Variants in TNS1 observed in about 807,000 individuals in gnomAD.
The protein encoded by TNS1 is tensin 1, also known as tensin-1.
Under a neutral mutation model 168.6 loss-of-function variants are expected in TNS1, and 62 were observed. That is an observed-to-expected ratio of 0.37 (90% CI 0.30 to 0.45). The LOEUF is 0.45. TNS1 is among the 20% of genes least tolerant of loss of function. The pLI is 1.00. For missense variants in TNS1, 2,240 were observed against 2,339.4 expected (o/e 0.96, Z 0.88); for synonymous variants, 934 against 933.2 (o/e 1.00, Z -0.02).
At chr2:218,028,786 A>G (rs1305816352) in intron 1 of TNS1, among the ~76,000 whole-genome samples, 1 of 152,176 alleles carries the variant, frequency 6.6e-6, no homozygotes, top group African/African-American at 2.4e-5. Context: ...GGTGGAGGTG[A>G]ATTTAAAAAT....
chr2:217,891,370 C>A (rs534700096), intron 11 of TNS1, among the ~76,000 whole-genome samples: 10 of 152,318 alleles, frequency 6.6e-5, no homozygotes, highest in African/African-American at 2.4e-4. Context: ...ATTCTCCTCA[C>A]CCATCAAATG....
At chr2:217,877,533 C>G (rs902428458) in intron 18 of TNS1, among the ~76,000 whole-genome samples, 1 of 152,230 alleles carries the variant, frequency 6.6e-6, no homozygotes, top group Non-Finnish European at 1.5e-5. Flanking sequence ...TTGGCAGGCC[C>G]CCTCCCTCTC....
intron 18 of TNS1, among the ~76,000 whole-genome samples, chr2:217,872,291 A>G (rs1949837050): frequency 6.6e-6 from 1 of 152,356 alleles, no homozygotes; most frequent in South Asian, 2.1e-4. Flanking sequence ...GGGAGAATAT[A>G]TCGGCAAATT....
At chr2:217,900,370 G>T in intron 7 of TNS1, 93 bp downstream of exon 7, 1 of 1,427,250 alleles carries the variant, frequency 7.0e-7, no homozygotes, top group Non-Finnish European at 9.5e-7. Flanking sequence ...TATGGCTGCA[G>T]TCCGGGGGAC....
intron 1 of TNS1, among the ~76,000 whole-genome samples, chr2:218,008,709 AC>A (rs1470272186): frequency 6.6e-6 from 1 of 152,226 alleles, no homozygotes; most frequent in Admixed American, 6.5e-5. Flanking sequence ...CAGAGGTAGC[AC>A]CTGGGAGAAG....
intron 3 of TNS1, among the ~76,000 whole-genome samples, chr2:217,954,442 C>T (rs1289974335): frequency 6.6e-6 from 1 of 152,188 alleles, no homozygotes; most frequent in Non-Finnish European, 1.5e-5. Context: ...ATCTATGGAG[C>T]TCTGAGGGTG....
chr2:217,890,321 T>C (rs918429957), intron 12 of TNS1: 1 of 152,490 alleles, frequency 6.6e-6, no homozygotes, highest in Non-Finnish European at 1.5e-5. Context: ...GTATGGTTAT[T>C]TGTTTCATGT....
intron 6 of TNS1, among the ~76,000 whole-genome samples, chr2:217,903,124 T>C (rs1953213838): frequency 6.6e-6 from 1 of 152,140 alleles, no homozygotes; most frequent in South Asian, 2.1e-4. Context: ...AGGCATCCGG[T>C]CATCCCTGGG....
intron 3 of TNS1, among the ~76,000 whole-genome samples, chr2:217,927,270 GC>G (rs35261441): frequency 6.6e-6 from 1 of 152,202 alleles, no homozygotes; most frequent in African/African-American, 2.4e-5. Flanking sequence ...ACCACAAGAA[GC>G]CCCCCTTTGG....
chr2:218,033,930 C>A lies in TNS1; in HGVS notation c.46G>T (p.Gly16Ter), dbSNP rs1330060425. Reference sequence around the variant, plus strand: ...GGGGGCTGGGGACCGCAGAGTGGTCCGGGCCGCAGCTCTTCGCAGCACACC... The same window carrying A: ...GGGGGCTGGGGACCGCAGAGTGGTCAGGGCCGCAGCTCTTCGCAGCACACC... Residue 16 changes from glycine (G) to a stop codon, truncating the protein, a stop_gained, in exon 1 of 2, where the codon GGA becomes TGA. Transcript: ENST00000649572. LOFTEE classifies it high-confidence loss of function. This position sits in a 1 kb window ranked among gnomAD's most constrained non-coding sequence, Gnocchi z 4.3. Among the ~76,000 whole-genome samples, 1 of 152,324 alleles carries A rather than the reference C, an allele frequency of 6.6e-6. No individual in the cohort carries two copies. Among genetic ancestry groups the A allele is most frequent in the Non-Finnish European group, 1.5e-5 (1 of 68,026 alleles).
chr2:217,853,356 C>G (rs1484893861), intron 18 of TNS1, among the ~76,000 whole-genome samples: 1 of 152,120 alleles, frequency 6.6e-6, no homozygotes, highest in Non-Finnish European at 1.5e-5. Flanking sequence ...AGGGAGTGAT[C>G]AGTTCAGGGG....
intron 19 of TNS1, among the ~76,000 whole-genome samples, chr2:217,838,107 G>C (rs549841718): frequency 2.0e-5 from 3 of 152,240 alleles, no homozygotes; most frequent in Non-Finnish European, 2.9e-5. Context: ...CAGCCCCAAG[G>C]TTAAAATAAA....
At chr2:217,992,985 T>C (rs1958405328) in intron 1 of TNS1, among the ~76,000 whole-genome samples, 1 of 152,188 alleles carries the variant, frequency 6.6e-6, no homozygotes, top group African/African-American at 2.4e-5. Context: ...GATACTGTAT[T>C]TTTAGTGTCC....
At position 217,849,984 on chromosome 2, in the gene TNS1, A is replaced by G. The variant is rs923296646; in HGVS notation, c.1430-897T>C. 4 of 985,254 alleles carry G rather than the reference A, an allele frequency of 4.1e-6. No homozygotes were observed. The African/African-American group carries it at 5.2e-5, about 13-fold the overall frequency. 61.0% of individuals were successfully genotyped at this position (985,254 alleles called of 1,614,324 possible). ...TGTGATAGAACCATTCAGAGATACA[A>G]TGTCATTCATGCTGCCCACTGCCAC... On this transcript the variant is annotated intron_variant, in intron 18 of 32. Transcript: ENST00000682258.
intron 21 of TNS1, among the ~76,000 whole-genome samples, chr2:217,833,582 A>G (rs184595183): frequency 4.6e-5 from 7 of 152,372 alleles, no homozygotes; most frequent in Admixed American, 6.5e-5. Flanking sequence ...CTAACAGTGA[A>G]TGGAAGCAGA....
intron 24 of TNS1, among the ~76,000 whole-genome samples, chr2:217,815,939 C>T (rs1235520643): frequency 6.6e-6 from 1 of 152,104 alleles, no homozygotes; most frequent in East Asian, 1.9e-4. Flanking sequence ...AGGCCATCTA[C>T]TGCATGTCAG....
At chr2:218,021,207 G>T (rs544174445) in intron 1 of TNS1, among the ~76,000 whole-genome samples, 1 of 152,096 alleles carries the variant, frequency 6.6e-6, no homozygotes, top group Admixed American at 6.5e-5. Context: ...TCCTGATGGA[G>T]AATGAGTCCA....
At chr2:217,953,490 T>C (rs938779368) in intron 3 of TNS1, among the ~76,000 whole-genome samples, 2 of 152,192 alleles carry the variant, frequency 1.3e-5, no homozygotes, top group African/African-American at 4.8e-5. Flanking sequence ...TTATTTCTGT[T>C]GTTGGGTTTT....
intron 19 of TNS1, among the ~76,000 whole-genome samples, chr2:217,845,127 A>G (rs1191196965): frequency 6.6e-6 from 1 of 152,216 alleles, no homozygotes; most frequent in Non-Finnish European, 1.5e-5. Context: ...GGGTGATTGG[A>G]TCAAAGTGGA....
Sources: allele counts gnomAD v4.1 joint callset (sites outside exome capture counted in the v4.1 genomes callset), GRCh38; gene constraint gnomAD v4.1.1; non-coding constraint Gnocchi (gnomAD v3.1); transcripts MANE v1.5; gene names NCBI Gene and HGNC (gene_info 2026-07-23, HGNC 2026-07-21).